The following NTM variants were observed in gnomAD, a reference collection of about 807,000 sequenced individuals.
The protein encoded by NTM is IgLON family member 2.
A neutral mutation model predicts 42.1 loss-of-function variants in NTM; 13 were observed. That is an observed-to-expected ratio of 0.31 (90% CI 0.20 to 0.49). The LOEUF is 0.49. NTM is among the 20% of genes least tolerant of loss of function. The probability of loss-of-function intolerance (pLI) is 0.99; values close to 1 mark genes in which losing one functional copy is unlikely to be tolerated. For missense variants in NTM, 373 were observed against 452.8 expected (o/e 0.82, Z 1.60); for synonymous variants, 187 against 179.2 (o/e 1.04, Z -0.35).
intron 1 of NTM, among the ~76,000 whole-genome samples, chr11:131,899,171 T>C (rs2052745827): frequency 7.8e-6 from 1 of 127,722 alleles, no homozygotes; most frequent in Non-Finnish European, 1.6e-5. Flanking sequence ...TCAGAGGCAG[T>C]GTACAAAAAA....
chr11:131,688,322 C>A (rs1358410157), intron 1 of NTM, among the ~76,000 whole-genome samples: 1 of 152,222 alleles, frequency 6.6e-6, no homozygotes, highest in Non-Finnish European at 1.5e-5. Flanking sequence ...TTTCTGAAAG[C>A]GGGTTTCAAA....
At chr11:132,215,769 T>C (rs765184845) in intron 4 of NTM, among the ~76,000 whole-genome samples, 18 of 152,242 alleles carry the variant, frequency 1.2e-4, no homozygotes, top group Admixed American at 2.0e-4. Flanking sequence ...TTTTTAAAGA[T>C]TCCTGCCCTG....
intron 1 of NTM, among the ~76,000 whole-genome samples, chr11:131,827,940 T>C (rs1317960896): frequency 1.3e-5 from 2 of 152,160 alleles, no homozygotes; most frequent in Non-Finnish European, 2.9e-5. Flanking sequence ...AGTTCTCTAC[T>C]GGATTAAATT....
chr11:131,710,477 T>G (rs1046694226), intron 1 of NTM, among the ~76,000 whole-genome samples: 1 of 152,078 alleles, frequency 6.6e-6, no homozygotes. Flanking sequence ...CTGGCTCTAG[T>G]GTTTCTCCAG....
intron 4 of NTM, among the ~76,000 whole-genome samples, chr11:132,219,668 G>A (rs1015979045): frequency 6.6e-6 from 1 of 151,772 alleles, no homozygotes; most frequent in African/African-American, 2.4e-5. Flanking sequence ...TCAAGTCTGA[G>A]CTTTAGACTC....
At chr11:131,583,402 C>A (rs2058587860) in intron 1 of NTM, among the ~76,000 whole-genome samples, 1 of 152,148 alleles carries the variant, frequency 6.6e-6, no homozygotes, top group African/African-American at 2.4e-5. Context: ...ATATCTTCTT[C>A]ATAAAATATT....
intron 1 of NTM, among the ~76,000 whole-genome samples, chr11:131,592,121 G>A (rs1450354090): frequency 3.3e-5 from 5 of 152,122 alleles, no homozygotes; most frequent in Non-Finnish European, 7.4e-5. Flanking sequence ...CATCCACTAC[G>A]CACTCACCCC....
intron 1 of NTM, among the ~76,000 whole-genome samples, chr11:131,826,826 G>C (rs930269804): frequency 9.2e-5 from 14 of 152,112 alleles, no homozygotes; most frequent in African/African-American, 3.4e-4. Flanking sequence ...GGTGATATGA[G>C]CTCCAGGATC....
intron 1 of NTM, among the ~76,000 whole-genome samples, chr11:131,898,572 G>T (rs114105302): frequency 0.022 from 3,276 of 152,260 alleles, 46 homozygotes; most frequent in Non-Finnish European, 0.032. Flanking sequence ...CCAGCAGTCT[G>T]TAGCCATGGA....
intron 1 of NTM, among the ~76,000 whole-genome samples, chr11:131,598,910 TC>T: frequency 7.3e-6 from 1 of 136,560 alleles, no homozygotes; most frequent in African/African-American, 2.9e-5. Flanking sequence ...CTTCCTTCCT[TC>T]CTTCCTTCCT....
At chr11:131,680,387 C>G (rs960314136) in intron 1 of NTM, among the ~76,000 whole-genome samples, 2 of 69,578 alleles carry the variant, frequency 2.9e-5, no homozygotes, top group Admixed American at 1.5e-4. Context: ...CTGTGAGTGC[C>G]TGTGTGTGTG....
At chr11:131,519,357 C>G (rs1483120961) in intron 1 of NTM, among the ~76,000 whole-genome samples, 2 of 150,506 alleles carry the variant, frequency 1.3e-5, no homozygotes, top group Admixed American at 1.3e-4. Context: ...TCTGGGTTAG[C>G]ACCTGAGAGG....
chr11:131,443,120 A>G (rs1949757873), intron 1 of NTM, among the ~76,000 whole-genome samples: 1 of 152,162 alleles, frequency 6.6e-6, no homozygotes, highest in Non-Finnish European at 1.5e-5. Context: ...ACTTGAGGGC[A>G]TCTAATACAC....
At chr11:131,887,910 C>A (rs1321522074) in intron 1 of NTM, among the ~76,000 whole-genome samples, 1 of 152,072 alleles carries the variant, frequency 6.6e-6, no homozygotes, top group Non-Finnish European at 1.5e-5. Flanking sequence ...ATGAGAAAAC[C>A]AAGGCAAGAA....
At chr11:131,845,153 A>G (rs1216002048) in intron 1 of NTM, among the ~76,000 whole-genome samples, 1 of 152,200 alleles carries the variant, frequency 6.6e-6, no homozygotes, top group Non-Finnish European at 1.5e-5. Context: ...TTGAATTTCC[A>G]TCATGAATTT....
chr11:131,930,679 GA>G (rs142709963), intron 2 of NTM, among the ~76,000 whole-genome samples: 10,233 of 152,124 alleles, frequency 0.067, 1,159 homozygotes, highest in African/African-American at 0.23. Flanking sequence ...CCACTGGCCT[GA>G]ATTTTTGTTT....
chr11:131,387,322 C>G (rs1943446587), intron 1 of NTM, among the ~76,000 whole-genome samples: 1 of 152,172 alleles, frequency 6.6e-6, no homozygotes, highest in Non-Finnish European at 1.5e-5. Context: ...CTCTCCCTCT[C>G]TCTCTCACTC....
chr11:131,598,775 TTTCTTTC>T (rs1475409373), intron 1 of NTM, among the ~76,000 whole-genome samples: 2,879 of 84,424 alleles, frequency 0.034, 612 homozygotes, highest in African/African-American at 0.097. Flanking sequence ...TTTTTCTTTC[TTTCTTTC>T]TTCTTTCTTT....
At chr11:131,777,629 T>C (rs2087268435) in intron 1 of NTM, among the ~76,000 whole-genome samples, 1 of 152,114 alleles carries the variant, frequency 6.6e-6, no homozygotes, top group Admixed American at 6.6e-5. Flanking sequence ...ACCCTCATTT[T>C]TTCAAAAATG....
Sources: allele counts gnomAD v4.1 joint callset (sites outside exome capture counted in the v4.1 genomes callset), GRCh38; gene constraint gnomAD v4.1.1; transcripts MANE v1.5; gene names NCBI Gene and HGNC (gene_info 2026-07-23, HGNC 2026-07-21).